Variants in TEX9 observed in about 807,000 individuals in gnomAD.
The protein encoded by TEX9 is testis-expressed protein 9.
Under a neutral mutation model 59.6 loss-of-function variants are expected in TEX9, and 74 were observed. That is an observed-to-expected ratio of 1.24 (90% confidence interval 1.03 to 1.51). The LOEUF (loss-of-function observed/expected upper bound fraction) is 1.51. TEX9 is among the 40% of genes most tolerant of loss of function. The pLI is 0.00. For missense variants in TEX9, 522 were observed against 447.8 expected (o/e 1.17, Z -1.49); for synonymous variants, 186 against 152.2 (o/e 1.22, Z -1.64).
chr15:56,370,958 G>C (rs1330480056), intron 2 of TEX9, among the ~76,000 whole-genome samples: 4 of 152,116 alleles, frequency 2.6e-5, no homozygotes, highest in Non-Finnish European at 5.9e-5. Context: ...CCAGGTTCAA[G>C]CGATTCTCAT....
At chr15:56,277,300 G>T (rs777689590) in intron 1 of TEX9, among the ~76,000 whole-genome samples, 4 of 152,088 alleles carry the variant, frequency 2.6e-5, no homozygotes, top group Non-Finnish European at 4.4e-5. Context: ...GGTTTTTATG[G>T]TTTTAGGTTT....
At chr15:56,391,354 G>A (rs2142280550) in exon 7 of TEX9, 1 of 1,596,698 alleles carries the variant, frequency 6.3e-7, no homozygotes, top group Non-Finnish European at 8.5e-7. Context: ...GGCAACTGGA[G>A]GAAGAAGGCT....
intron 1 of TEX9, among the ~76,000 whole-genome samples, chr15:56,259,508 A>G (rs1367799541): frequency 6.6e-6 from 1 of 152,086 alleles, no homozygotes; most frequent in African/African-American, 2.4e-5. Flanking sequence ...ATTGAAAAAA[A>G]ATCTTATTAT....
chr15:56,404,186 A>C (rs1041662640), intron 9 of TEX9, among the ~76,000 whole-genome samples: 1 of 152,236 alleles, frequency 6.6e-6, no homozygotes, highest in Non-Finnish European at 1.5e-5. Context: ...CTACCATCAG[A>C]GTGAACAGCC....
chr15:56,321,152 C>A (rs181572124), intron 1 of TEX9, among the ~76,000 whole-genome samples: 2 of 152,062 alleles, frequency 1.3e-5, no homozygotes, highest in Non-Finnish European at 2.9e-5. Flanking sequence ...CTAGTAGATG[C>A]GAATGATTAG....
chr15:56,339,719 G>A (rs2046337715), intron 1 of TEX9, among the ~76,000 whole-genome samples: 1 of 152,044 alleles, frequency 6.6e-6, no homozygotes, highest in Non-Finnish European at 1.5e-5. Context: ...CTAGTGTGAT[G>A]GTATTAGGAG....
intron 1 of TEX9, among the ~76,000 whole-genome samples, chr15:56,251,580 T>C (rs2044018395): frequency 6.6e-6 from 1 of 152,074 alleles, no homozygotes; most frequent in African/African-American, 2.4e-5. Context: ...GTAAAAACAG[T>C]AGCTGAAAGA....
intron 1 of TEX9, among the ~76,000 whole-genome samples, chr15:56,294,486 C>T (rs1423238161): frequency 6.6e-6 from 1 of 152,152 alleles, no homozygotes; most frequent in Non-Finnish European, 1.5e-5. Flanking sequence ...CACATATTTA[C>T]ATCTCCTGTA....
At chr15:56,438,250 A>G (rs1381401319) in intron 12 of TEX9, among the ~76,000 whole-genome samples, 1 of 152,208 alleles carries the variant, frequency 6.6e-6, no homozygotes, top group African/African-American at 2.4e-5. Flanking sequence ...ACAGCATGGT[A>G]CTGCTACCAA....
the TEX9 span, among the ~76,000 whole-genome samples, chr15:56,460,009 A>AAAAAAAAAATATATATATAT: frequency 2.7e-4 from 7 of 26,372 alleles, 1 homozygote; most frequent in Non-Finnish European, 4.2e-4. Context: ...AAAAAAAAAA[A>AAAAAAAAAATATATATATAT]ATACATATAT....
chr15:56,368,738 C>A (rs2047058123), intron 2 of TEX9, among the ~76,000 whole-genome samples: 1 of 152,068 alleles, frequency 6.6e-6, no homozygotes, highest in Non-Finnish European at 1.5e-5. Flanking sequence ...TGACTGTATC[C>A]ATAACCATGT....
At chr15:56,287,041 T>C (rs2044969853) in intron 1 of TEX9, among the ~76,000 whole-genome samples, 2 of 152,184 alleles carry the variant, frequency 1.3e-5, no homozygotes, top group Non-Finnish European at 2.9e-5. Flanking sequence ...GAATGCTTTG[T>C]AATGCAGCAT....
chr15:56,256,221 T>G (rs1335157867), intron 1 of TEX9, among the ~76,000 whole-genome samples: 3 of 152,104 alleles, frequency 2.0e-5, no homozygotes, highest in African/African-American at 7.2e-5. Context: ...GTTGATTCCA[T>G]TATCATCTCA....
intron 2 of TEX9, among the ~76,000 whole-genome samples, chr15:56,369,734 C>T (rs893138179): frequency 9.2e-5 from 14 of 152,122 alleles, no homozygotes; most frequent in Non-Finnish European, 1.6e-4. Flanking sequence ...AAGTTCTATG[C>T]GTTCTTTGAT....
intron 1 of TEX9, among the ~76,000 whole-genome samples, chr15:56,355,914 T>C (rs2046675450): frequency 6.6e-6 from 1 of 152,084 alleles, no homozygotes; most frequent in African/African-American, 2.4e-5. Context: ...AATTTTATAG[T>C]ATATAAAACT....
At chr15:56,426,626 T>TATATATATATATAC (rs1214988827) in intron 10 of TEX9, among the ~76,000 whole-genome samples, 22 of 47,186 alleles carry the variant, frequency 4.7e-4, no homozygotes, top group Non-Finnish European at 8.1e-4. Context: ...TATATATATA[T>TATATATATATATAC]ACACACACAC....
chr15:56,388,378 G>A (rs2048054906), intron 4 of TEX9, 94 bp from the exon 5 acceptor site: 1 of 1,000,988 alleles, frequency 1.0e-6, no homozygotes, highest in Non-Finnish European at 1.5e-6. Context: ...TTTGATTGTT[G>A]AATATTTTCC....
intron 1 of TEX9, among the ~76,000 whole-genome samples, chr15:56,346,398 G>C (rs1165756872): frequency 2.6e-5 from 4 of 152,148 alleles, no homozygotes; most frequent in African/African-American, 4.8e-5. Flanking sequence ...AGGCAGGATT[G>C]CAAATGGTGT....
At chr15:56,446,399 G>C (rs553212123), downstream of TEX9, among the ~76,000 whole-genome samples, 4 of 151,872 alleles carry the variant, frequency 2.6e-5, no homozygotes, top group African/African-American at 9.7e-5. Context: ...AGTTAGAAAA[G>C]GGGATAAAAG....
Sources: allele counts gnomAD v4.1 joint callset (sites outside exome capture counted in the v4.1 genomes callset), GRCh38; gene constraint gnomAD v4.1.1; transcripts MANE v1.5; gene names NCBI Gene and HGNC (gene_info 2026-07-23, HGNC 2026-07-21).